The following MARCO variants were observed in gnomAD, a reference collection of about 807,000 sequenced individuals.
MARCO encodes the protein macrophage receptor with collagenous structure.
A neutral mutation model predicts 70.0 loss-of-function variants in MARCO; 72 were observed. The ratio of observed to expected loss-of-function variants is 1.03; its 90% confidence interval spans 0.85 to 1.25. MARCO has a LOEUF of 1.25. Ranked by LOEUF, MARCO falls within the 50% of genes most tolerant of loss-of-function variation. The pLI is 0.00. For synonymous variants in MARCO, 273 were observed against 243.1 expected, an observed-to-expected ratio of 1.12 and a Z score of -1.14; for missense variants, 696 against 659.3, an observed-to-expected ratio of 1.06 and a Z score of -0.61.
chr2:118,949,902 G>A (rs1363634654), intron 1 of MARCO: 1 of 152,192 alleles, frequency 6.6e-6, no homozygotes, highest in African/African-American at 2.4e-5. Context: ...AACTCCAAGG[G>A]CGGCATCTGT....
chr2:118,987,729 T>G (rs1353888643), intron 12 of MARCO, among the ~76,000 whole-genome samples: 2 of 152,214 alleles, frequency 1.3e-5, no homozygotes, highest in Non-Finnish European at 2.9e-5. Flanking sequence ...TACTGTGGAT[T>G]CTTGGATTCC....
intron 1 of MARCO, chr2:118,953,061 G>C (rs1376441002): frequency 1.3e-5 from 2 of 152,242 alleles, no homozygotes; most frequent in Non-Finnish European, 2.9e-5. Context: ...ATGTCCGTTG[G>C]CTGGAGCAGG....
At chr2:118,981,215 G>T (rs1239649695) in intron 8 of MARCO, among the ~76,000 whole-genome samples, 194 bp from the exon 9 acceptor site, 1 of 152,124 alleles carries the variant, frequency 6.6e-6, no homozygotes, top group African/African-American at 2.4e-5. Flanking sequence ...ATTTTCATGA[G>T]TTTCTTTCTT....
intron 1 of MARCO, among the ~76,000 whole-genome samples, chr2:118,944,576 A>T (rs1573369631): frequency 6.6e-6 from 1 of 152,234 alleles, no homozygotes; most frequent in East Asian, 1.9e-4. Context: ...TTCTAATGTC[A>T]TTTTCCTCAT....
Position 118,981,598 on chromosome 2 carries a change from C to A in MARCO, c.866-23C>A, listed in dbSNP as rs749253473. The A allele has an allele frequency of 2.5e-6, 4 of 1,608,970 alleles. No individual in the cohort carries two copies. The South Asian group carries it at 4.4e-5, about 18-fold the overall frequency. ...GCTGAGCCAAAGGAAAAAAAAATTC[C>A]TAAAAGTTCTTTTTCATCTTAGGTT... On this transcript the variant is annotated intron_variant, in intron 9 of 16. Coordinates refer to ENST00000327097, the MANE Select transcript of MARCO (RefSeq NM_006770.4).
intron 1 of MARCO, among the ~76,000 whole-genome samples, chr2:118,951,796 C>T (rs1679727041): frequency 6.6e-6 from 1 of 152,136 alleles, no homozygotes; most frequent in Admixed American, 6.5e-5. Flanking sequence ...CTCTCTTTCT[C>T]TCTCTTCCTT....
intron 1 of MARCO, among the ~76,000 whole-genome samples, chr2:118,956,627 C>T (rs1679842670): frequency 6.6e-6 from 1 of 152,140 alleles, no homozygotes; most frequent in Non-Finnish European, 1.5e-5. Flanking sequence ...TTAAACTATA[C>T]CTTTGAGCAA....
Position 118,944,514 on chromosome 2 carries a change from A to G in MARCO, c.97+2117A>G, listed in dbSNP as rs375101459. Among the ~76,000 whole-genome samples, 5 of 152,324 alleles carry G rather than the reference A, an allele frequency of 3.3e-5. No individual in the cohort carries two copies. The East Asian group carries it at 5.8e-4, about 18-fold the overall frequency. On this transcript the variant is annotated intron_variant, in intron 1 of 16. Transcript: ENST00000327097. Reference sequence around the variant, plus strand: ...TAGTTTTATTTTCTTTTGAAAATACATTATCTTAAAATTCCCACATATGGT... The same window carrying G: ...TAGTTTTATTTTCTTTTGAAAATACGTTATCTTAAAATTCCCACATATGGT...
chr2:118,986,523 G>GAAGA (rs1244645184), intron 12 of MARCO, among the ~76,000 whole-genome samples: 18 of 107,460 alleles, frequency 1.7e-4, no homozygotes, highest in Non-Finnish European at 2.9e-4. Context: ...CTGTCAAAAA[G>GAAGA]AAGAAAGAAA....
At chr2:118,949,947 T>TA (rs1338169238) in intron 1 of MARCO, 1 of 152,112 alleles carries the variant, frequency 6.6e-6, no homozygotes, top group African/African-American at 2.4e-5. Context: ...GAAGAGAAGG[T>TA]GGAGGATAAA....
rs566463934 is a variant in MARCO, at chr2:118,972,773, C to A, written c.460+1239C>A. Among the ~76,000 whole-genome samples the A allele has an allele frequency of 7.9e-4, 121 of 152,296 alleles. No homozygotes were observed. In the Middle Eastern group the frequency reaches 0.01, roughly 13 times the overall value. ...CAGCCTGATGAATGCTGGCTCCTCT[C>A]CTTTAAGGAGGGGCAGTTTCAACAA... On this transcript the variant is annotated intron_variant, in intron 4 of 16. Coordinates refer to ENST00000327097, the MANE Select transcript of MARCO (RefSeq NM_006770.4).
At chr2:118,985,877 A>G (rs1680474418) in intron 12 of MARCO, among the ~76,000 whole-genome samples, 1 of 152,156 alleles carries the variant, frequency 6.6e-6, no homozygotes, top group African/African-American at 2.4e-5. Context: ...AGCAATGTGA[A>G]TTTTCCATGC....
intron 8 of MARCO, among the ~76,000 whole-genome samples, chr2:118,978,861 A>C (rs1680336993): frequency 6.6e-6 from 1 of 152,184 alleles, no homozygotes; most frequent in Non-Finnish European, 1.5e-5. Context: ...TAGTAATAAT[A>C]ATAGTAGTAG....
At chr2:118,982,462 G>A (rs1309036714) in intron 12 of MARCO, 52 bp downstream of exon 12, 1 of 1,548,668 alleles carries the variant, frequency 6.5e-7, no homozygotes, top group Non-Finnish European at 8.9e-7. Context: ...TGGCAGGATG[G>A]ATGGAGAGAA....
intron 15 of MARCO, among the ~76,000 whole-genome samples, chr2:118,992,715 C>T (rs1680645640): frequency 6.6e-6 from 1 of 151,770 alleles, no homozygotes; most frequent in Admixed American, 6.6e-5. Flanking sequence ...TTCTTCCTTT[C>T]CTTTTCTCTC....
rs1679808571 is a variant in MARCO at position 118,955,048 on chromosome 2, A to G, written c.97+12651A>G. On this transcript the variant is annotated intron_variant, in intron 1 of 16. Coordinates refer to ENST00000327097, the MANE Select transcript of MARCO (RefSeq NM_006770.4). ...CCTCAACCCCCGCCCTGCCAAAAAT[A>G]GAAAAAAAAAAAATCACACTAGTTC... 3.9e-5 allele frequency among the ~76,000 whole-genome samples: 5 copies of G among 129,102 alleles called. No individual in the cohort carries two copies. In the South Asian group the frequency reaches 1.4e-3, roughly 35 times the overall value. 84.7% of individuals were successfully genotyped at this position (129,102 alleles called of 152,430 possible).
chr2:118,987,101 T>A (rs531649229), intron 12 of MARCO, among the ~76,000 whole-genome samples: 1 of 152,352 alleles, frequency 6.6e-6, no homozygotes, highest in Non-Finnish European at 1.5e-5. Flanking sequence ...GGCATATGTT[T>A]TCTAACTTAA....
rs1000200198 is a variant in MARCO at position 118,992,956 on chromosome 2, A to G, written c.1253-168A>G. 60 of 627,190 alleles carry G rather than the reference A, an allele frequency of 9.6e-5. 2 individuals are homozygous for G. The East Asian group carries it at 1.7e-3, about 17-fold the overall frequency. The allele number at this position is 627,190 out of a possible 1,614,324, so 38.9% of individuals were successfully genotyped here. On this transcript the variant is annotated intron_variant, in intron 15 of 16. Transcript: ENST00000327097. ...CCCAGGTGCATGGAGGCTGCGTGCC[A>G]GGTTGGGTTGGCACTGTAAAGTGGG...
intron 4 of MARCO, 104 bp from the exon 5 acceptor site, chr2:118,974,229 G>T: frequency 1.3e-6 from 1 of 749,432 alleles, no homozygotes; most frequent in Non-Finnish European, 2.3e-6. Flanking sequence ...TCATCCCCAT[G>T]CTCAGTGAAC....
Sources: gnomAD v4.1 joint callset for allele counts (sites outside exome capture counted in the v4.1 genomes callset) on GRCh38, gnomAD v4.1.1 for gene constraint, MANE v1.5 for transcripts, NCBI Gene and HGNC (gene_info 2026-07-23, HGNC 2026-07-21) for gene names.